Variants in GAS7 observed in about 807,000 individuals in gnomAD.
GAS7 encodes growth arrest specific 7, also known as growth arrest-specific protein 7.
In GAS7, 28 loss-of-function variants were observed where a neutral mutation model predicts 71.1. The ratio of observed to expected loss-of-function variants is 0.39; its 90% CI spans 0.29 to 0.54. The LOEUF (loss-of-function observed/expected upper bound fraction) is 0.54, where lower values mean the gene tolerates loss of function less well. GAS7 is among the 20% of genes least tolerant of loss of function. The pLI, the probability that GAS7 is intolerant of heterozygous loss-of-function variation, is 0.62. For synonymous variants in GAS7, 258 were observed against 245.8 expected (o/e 1.05, Z -0.46); for missense variants, 436 against 627.8 (o/e 0.69, Z 3.27).
intron 1 of GAS7, 60 bp from the exon 2 acceptor site, chr17:10,019,957 C>A: frequency 6.4e-7 from 1 of 1,553,948 alleles, no homozygotes; most frequent in Non-Finnish European, 8.8e-7. Context: ...GTTTTTAAAC[C>A]AGGAAGGCAA....
At chr17:10,053,491 G>A (rs1004711471) in intron 1 of GAS7, among the ~76,000 whole-genome samples, 2 of 152,090 alleles carry the variant, frequency 1.3e-5, no homozygotes, top group East Asian at 1.9e-4. Context: ...GACCCCCAGC[G>A]CCTGAATGCC....
At chr17:10,038,037 C>T (rs942622264) in intron 1 of GAS7, among the ~76,000 whole-genome samples, 5 of 151,954 alleles carry the variant, frequency 3.3e-5, no homozygotes, top group African/African-American at 7.3e-5. Context: ...TTAGCTCACA[C>T]CCATTAGGAC....
At chr17:10,151,485 T>C (rs1323307169) in intron 1 of GAS7, among the ~76,000 whole-genome samples, 1 of 152,234 alleles carries the variant, frequency 6.6e-6, no homozygotes, top group East Asian at 1.9e-4. Flanking sequence ...TTCTACGTCA[T>C]TTAATGACAG....
intron 1 of GAS7, among the ~76,000 whole-genome samples, chr17:10,101,378 C>A (rs934624300): frequency 1.3e-5 from 2 of 152,258 alleles, no homozygotes; most frequent in Non-Finnish European, 1.5e-5. Flanking sequence ...AGAAAACAAG[C>A]ATGGCGGAAG....
At position 9,959,042 on chromosome 17, in the gene GAS7, CATGTGG is replaced by C; in HGVS notation, c.525+154_525+159del. ...ACAGGAGAAGGGGAGGTGGGAGGGG[CATGTGG>C]ATGGGGAACTTGAGTGAAATCCGAG... is the stretch of plus-strand genomic sequence containing the variant. On this transcript the variant is annotated intron_variant, in intron 5 of 13. Coordinates refer to ENST00000432992, the MANE Select transcript of GAS7 (RefSeq NM_201433.2). The surrounding 1 kb of genome is among the most constrained non-coding windows in gnomAD (Gnocchi z 5.0). The C allele has an allele frequency of 7.5e-7, 1 of 1,328,938 alleles. No homozygotes were observed. The highest frequency in any genetic ancestry group is 1.0e-6 in the Non-Finnish European group (1 of 1,001,906). The allele number at this position is 1,328,938 out of a possible 1,614,324, so 82.3% of individuals were successfully genotyped here.
At chr17:9,995,613 G>A (rs9906244) in intron 2 of GAS7, among the ~76,000 whole-genome samples, 62,521 of 151,480 alleles carry the variant, frequency 0.41, 14,290 homozygotes, top group African/African-American at 0.62. Flanking sequence ...AAGATACTAT[G>A]TTTTCACCCA....
intron 9 of GAS7, among the ~76,000 whole-genome samples, chr17:9,933,080 G>T (rs913037321): frequency 2.0e-5 from 3 of 152,142 alleles, no homozygotes; most frequent in Admixed American, 1.3e-4. Flanking sequence ...GCTGAGGCAG[G>T]AGAATCACTT....
At chr17:10,091,908 C>T (rs1355689878) in intron 1 of GAS7, among the ~76,000 whole-genome samples, 1 of 151,922 alleles carries the variant, frequency 6.6e-6, no homozygotes, top group Non-Finnish European at 1.5e-5. Flanking sequence ...TGGTCTCAAA[C>T]TCCTGGGATC....
At chr17:9,967,379 C>T (rs9909565) in intron 4 of GAS7, among the ~76,000 whole-genome samples, 37,305 of 151,638 alleles carry the variant, frequency 0.25, 4,607 homozygotes, top group Middle Eastern at 0.3. Context: ...GCGAGATACT[C>T]AGCGTCATCC....
intron 1 of GAS7, among the ~76,000 whole-genome samples, chr17:10,046,785 AAAGGAAGG>A (rs57271954): frequency 0.11 from 7,535 of 68,642 alleles, 602 homozygotes; most frequent in Middle Eastern, 0.12. Flanking sequence ...AGAAAGAAAG[AAAGGAAGG>A]AAGGAAGGAA....
At chr17:10,139,527 A>G (rs1034261543) in intron 1 of GAS7, among the ~76,000 whole-genome samples, 15 of 152,184 alleles carry the variant, frequency 9.9e-5, no homozygotes, top group Non-Finnish European at 1.6e-4. Flanking sequence ...ATTCCCCACT[A>G]ATGAAGAGGC....
At chr17:10,142,024 C>G (rs1450107716) in intron 1 of GAS7, among the ~76,000 whole-genome samples, 2 of 151,812 alleles carry the variant, frequency 1.3e-5, no homozygotes, top group African/African-American at 2.4e-5. Flanking sequence ...GTCAGGAGAT[C>G]AAGACCATCC....
intron 1 of GAS7, among the ~76,000 whole-genome samples, chr17:10,159,550 C>CA (rs202127418): frequency 0.018 from 2,686 of 152,220 alleles, 43 homozygotes; most frequent in Non-Finnish European, 0.03. Flanking sequence ...GCACCCCCCC[C>CA]AACCTCCATC....
chr17:9,988,226 A>C, intron 2 of GAS7, among the ~76,000 whole-genome samples: 1 of 152,054 alleles, frequency 6.6e-6, no homozygotes, highest in Admixed American at 6.5e-5. Flanking sequence ...CTTGCCCTGT[A>C]GTCCTCACAA....
At chr17:10,068,990 A>G (rs1483217541) in intron 1 of GAS7, among the ~76,000 whole-genome samples, 1 of 152,184 alleles carries the variant, frequency 6.6e-6, no homozygotes, top group East Asian at 1.9e-4. Context: ...CAGAGTTTTT[A>G]TAAGGAGCTG....
chr17:9,918,665 TGGCCGCAATAGAGACCG>T (rs2067679855), intron 12 of GAS7, among the ~76,000 whole-genome samples: 1 of 152,186 alleles, frequency 6.6e-6, no homozygotes, highest in African/African-American at 2.4e-5. Context: ...CCTAGTGCTG[TGGCCGCAATAGAGACCG>T]GGCCAGGGAG....
At chr17:10,157,498 A>G (rs2074214365) in intron 1 of GAS7, among the ~76,000 whole-genome samples, 1 of 152,240 alleles carries the variant, frequency 6.6e-6, no homozygotes, top group East Asian at 1.9e-4. Context: ...CTCGTTGGAA[A>G]AAAAAGTTAC....
chr17:10,153,655 A>C (rs1036989364), intron 1 of GAS7, among the ~76,000 whole-genome samples: 1 of 152,356 alleles, frequency 6.6e-6, no homozygotes, highest in African/African-American at 2.4e-5. Context: ...AATTATTTAC[A>C]TGTATTAAAT....
chr17:10,158,346 A>AAC (rs1555538249), intron 1 of GAS7, among the ~76,000 whole-genome samples: 2 of 147,198 alleles, frequency 1.4e-5, no homozygotes, highest in African/African-American at 5.0e-5. Context: ...TAAAAAAAAA[A>AAC]AAAAAAAAAA....
Sources: allele counts gnomAD v4.1 joint callset (sites outside exome capture counted in the v4.1 genomes callset), GRCh38; gene constraint gnomAD v4.1.1; non-coding constraint Gnocchi (gnomAD v3.1); transcripts MANE v1.5; gene names NCBI Gene and HGNC (gene_info 2026-07-23, HGNC 2026-07-21).